Variants in ST18 observed in about 807,000 individuals in gnomAD.
ST18 encodes suppression of tumorigenicity 18 protein.
Under a neutral mutation model 110.0 loss-of-function variants are expected in ST18, and 50 were observed. That is an observed-to-expected ratio of 0.45 (90% CI 0.36 to 0.58). The LOEUF (loss-of-function observed/expected upper bound fraction) is 0.58. Among genes scored for constraint, ST18 ranks in the 20% least tolerant of loss-of-function variants. The pLI, the probability that ST18 is intolerant of heterozygous loss-of-function variation, is 0.00. For synonymous variants in ST18, 461 were observed against 452.4 expected (o/e 1.02, Z -0.24); for missense variants, 1,306 against 1,280.1 (o/e 1.02, Z -0.31).
chr8:52,235,635 C>T (rs1181954246), intron 2 of ST18, among the ~76,000 whole-genome samples: 1 of 152,148 alleles, frequency 6.6e-6, no homozygotes, highest in African/African-American at 2.4e-5. Flanking sequence ...ACATGCAGTT[C>T]AGATTCATTT....
intron 2 of ST18, among the ~76,000 whole-genome samples, chr8:52,348,835 T>C (rs570094115): frequency 1.3e-3 from 193 of 152,276 alleles, no homozygotes; most frequent in African/African-American, 4.4e-3. Context: ...AATCAACATA[T>C]TATTATTAGA....
Position 52,159,034 on chromosome 8 carries a change from C to T in ST18, c.1670G>A (p.Arg557His), listed in dbSNP as rs144331817. 6.1e-4 allele frequency: 991 copies of T among 1,614,124 alleles called. 7 individuals carry two copies. In the East Asian group the frequency reaches 0.018, roughly 29 times the overall value. ...SAGAHTQSPG[R>H]ASSYSYGQCS... ...TTGACCGTAGCTATAAGAGCTGGCA[C>T]GGCCAGGGCTCTGGGTGTGGGCGCC... Residue 557 changes from arginine to histidine, a missense_variant, in exon 15 of 26, where the codon CGT (arginine) becomes CAT (histidine). Transcript: ENST00000689386.
intron 2 of ST18, among the ~76,000 whole-genome samples, chr8:52,287,654 C>A (rs2095491059): frequency 6.6e-6 from 1 of 152,108 alleles, no homozygotes; most frequent in African/African-American, 2.4e-5. Context: ...CTGTGTGTAC[C>A]AACAACCAAG....
intron 2 of ST18, among the ~76,000 whole-genome samples, chr8:52,291,490 T>C (rs888964614): frequency 6.6e-6 from 1 of 152,252 alleles, no homozygotes; most frequent in African/African-American, 2.4e-5. Context: ...ATTAAACGAA[T>C]CTTGCAGTCT....
chr8:52,236,920 A>G (rs2092760756), intron 2 of ST18, among the ~76,000 whole-genome samples: 1 of 152,184 alleles, frequency 6.6e-6, no homozygotes, highest in Non-Finnish European at 1.5e-5. Flanking sequence ...GACTGTGAGC[A>G]CTGTCTAATT....
At chr8:52,318,664 A>T (rs779147896) in intron 2 of ST18, among the ~76,000 whole-genome samples, 1 of 152,200 alleles carries the variant, frequency 6.6e-6, no homozygotes, top group Non-Finnish European at 1.5e-5. Flanking sequence ...CATCAATGAT[A>T]AGATGGGCAT....
intron 2 of ST18, among the ~76,000 whole-genome samples, chr8:52,359,396 G>A (rs904991824): frequency 3.3e-5 from 5 of 152,020 alleles, no homozygotes; most frequent in East Asian, 1.9e-4. Context: ...CAAAGAAAGC[G>A]AACCTGCCAT....
At chr8:52,250,133 T>C (rs1399212914) in intron 2 of ST18, among the ~76,000 whole-genome samples, 2 of 152,194 alleles carry the variant, frequency 1.3e-5, no homozygotes, top group Admixed American at 1.3e-4. Flanking sequence ...GAGAGTTCTA[T>C]TGTCCAGCTT....
chr8:52,121,164 C>T (rs1400150461), intron 23 of ST18, among the ~76,000 whole-genome samples: 1 of 152,082 alleles, frequency 6.6e-6, no homozygotes, highest in Non-Finnish European at 1.5e-5. Flanking sequence ...TCGCTGAGGG[C>T]CAATGTTCCT....
At chr8:52,267,314 G>C (rs1474854669) in intron 2 of ST18, among the ~76,000 whole-genome samples, 1 of 151,794 alleles carries the variant, frequency 6.6e-6, no homozygotes, top group East Asian at 1.9e-4. Context: ...GGAACCGTCC[G>C]GGAATATGTA....
chr8:52,190,551 A>G (rs2074131034), intron 8 of ST18, among the ~76,000 whole-genome samples: 1 of 152,218 alleles, frequency 6.6e-6, no homozygotes, highest in African/African-American at 2.4e-5. Context: ...GGATTAACAT[A>G]CACTCAAATG....
In ST18 at chr8:52,159,179, T is replaced by A. The variant is rs191000134; in HGVS notation, c.1595-70A>T. On this transcript the variant is annotated intron_variant, in intron 14 of 25. Coordinates refer to ENST00000689386, the MANE Select transcript of ST18 (RefSeq NM_001352837.2). Reference sequence around the variant, plus strand: ...AGTCATTAAACAGATTTGTTTTTTTTAAAAATGTAACTTCTTGCATTAAAA... The same window carrying A: ...AGTCATTAAACAGATTTGTTTTTTTAAAAAATGTAACTTCTTGCATTAAAA... 6,002 of 1,407,496 alleles carry A rather than the reference T, an allele frequency of 4.3e-3. 22 individuals are homozygous for A. The highest frequency in any genetic ancestry group is 5.2e-3 in the Non-Finnish European group (5,395 of 1,030,134). 87.2% of individuals were successfully genotyped at this position (1,407,496 alleles called of 1,614,324 possible).
At chr8:52,348,305 T>C (rs990747627) in intron 2 of ST18, among the ~76,000 whole-genome samples, 3 of 152,230 alleles carry the variant, frequency 2.0e-5, no homozygotes, top group Non-Finnish European at 4.4e-5. Flanking sequence ...TCAGCCTCAT[T>C]GGAACTAAGG....
At chr8:52,213,513 C>T (rs1404716525) in intron 7 of ST18, among the ~76,000 whole-genome samples, 3 of 151,982 alleles carry the variant, frequency 2.0e-5, no homozygotes, top group Non-Finnish European at 4.4e-5. Context: ...CTGTGGCGAA[C>T]CTAGAGTTTT....
intron 2 of ST18, among the ~76,000 whole-genome samples, chr8:52,313,913 GT>G (rs969578132): frequency 2.0e-5 from 3 of 152,222 alleles, no homozygotes; most frequent in African/African-American, 7.2e-5. Flanking sequence ...GGAAGGAAAA[GT>G]GGAGACCCTT....
At chr8:52,339,669 G>T (rs183835198) in intron 2 of ST18, among the ~76,000 whole-genome samples, 1 of 152,346 alleles carries the variant, frequency 6.6e-6, no homozygotes, top group Non-Finnish European at 1.5e-5. Context: ...CACTCCTTCC[G>T]CACCATCGCT....
At chr8:52,211,974 AATTCCTTCTGCTAAAAAAAGT>A in intron 8 of ST18, 84 bp downstream of exon 8, 1 of 1,230,834 alleles carries the variant, frequency 8.1e-7, no homozygotes, top group Non-Finnish European at 1.2e-6. Flanking sequence ...CCCTTTAGCC[AATTCCTTCTGCTAAAAAAAGT>A]ATTCTGAGGC....
chr8:52,122,468 T>C (rs1039308259), intron 23 of ST18, among the ~76,000 whole-genome samples: 1 of 151,738 alleles, frequency 6.6e-6, no homozygotes, highest in East Asian at 1.9e-4. Flanking sequence ...TTGAGTGAAC[T>C]TCTATTATTT....
At chr8:52,321,994 C>G (rs1287450436) in intron 2 of ST18, among the ~76,000 whole-genome samples, 1 of 152,174 alleles carries the variant, frequency 6.6e-6, no homozygotes, top group Non-Finnish European at 1.5e-5. Flanking sequence ...TGCTTTTGTT[C>G]CCAGCATCCT....
Sources: allele counts gnomAD v4.1 joint callset (sites outside exome capture counted in the v4.1 genomes callset), GRCh38; gene constraint gnomAD v4.1.1; transcripts MANE v1.5; gene names NCBI Gene and HGNC (gene_info 2026-07-23, HGNC 2026-07-21).